NAPEPLD: variants seen among roughly 807,000 people sequenced by gnomAD.
NAPEPLD encodes N-acyl phosphatidylethanolamine phospholipase D.
A neutral mutation model predicts 38.1 loss-of-function variants in NAPEPLD; 23 were observed. The ratio of observed to expected loss-of-function variants is 0.60; its 90% confidence interval spans 0.43 to 0.86. The LOEUF (loss-of-function observed/expected upper bound fraction) is 0.86, where lower values mean the gene tolerates loss of function less well. NAPEPLD is among the 40% of genes least tolerant of loss of function. The pLI is 0.00. For missense variants in NAPEPLD, 411 were observed against 476.8 expected (o/e 0.86, Z 1.28); for synonymous variants, 147 against 162.0 (o/e 0.91, Z 0.71).
intron 2 of NAPEPLD, among the ~76,000 whole-genome samples, chr7:103,126,636 T>A (rs936581986): frequency 7.2e-5 from 11 of 152,084 alleles, no homozygotes; most frequent in African/African-American, 2.7e-4. Context: ...AGACAGGGTC[T>A]TGCTCTGTCA....
At chr7:103,131,871 T>A (rs1809009578) in intron 1 of NAPEPLD, among the ~76,000 whole-genome samples, 1 of 152,042 alleles carries the variant, frequency 6.6e-6, no homozygotes, top group South Asian at 2.1e-4. Context: ...ATCACAGCCA[T>A]TTGGGAGGCC....
chr7:103,109,307 G>A (rs373298168), intron 4 of NAPEPLD, among the ~76,000 whole-genome samples: 10 of 152,168 alleles, frequency 6.6e-5, no homozygotes, highest in Admixed American at 3.9e-4. Context: ...GAAACACATC[G>A]CACTTATTCT....
intron 4 of NAPEPLD, among the ~76,000 whole-genome samples, chr7:103,106,030 C>A (rs1803261776): frequency 1.3e-5 from 2 of 151,694 alleles, no homozygotes; most frequent in South Asian, 4.2e-4. Flanking sequence ...TTCTGCATTT[C>A]CAACTGAGGT....
At chr7:103,144,456 T>C (rs1812141168) in intron 1 of NAPEPLD, among the ~76,000 whole-genome samples, 1 of 152,204 alleles carries the variant, frequency 6.6e-6, no homozygotes, top group Non-Finnish European at 1.5e-5. Flanking sequence ...ATTTTTCTAA[T>C]TTACAGTTAC....
At chr7:103,105,927 C>T (rs1355673282) in intron 4 of NAPEPLD, among the ~76,000 whole-genome samples, 5 of 124,510 alleles carry the variant, frequency 4.0e-5, no homozygotes, top group South Asian at 2.7e-4. Context: ...AATGAGACTC[C>T]GTCTCAAAAA....
intron 3 of NAPEPLD, 74 bp from the exon 4 acceptor site, chr7:103,115,248 C>T: frequency 9.0e-7 from 1 of 1,110,866 alleles, no homozygotes; most frequent in Non-Finnish European, 1.3e-6. Flanking sequence ...TTTCACTTAA[C>T]CAAACTTTAA....
At chr7:103,148,124 T>C (rs966185168) in intron 1 of NAPEPLD, 10 of 982,910 alleles carry the variant, frequency 1.0e-5, no homozygotes, top group Non-Finnish European at 1.1e-5. Context: ...GAAATGGAAA[T>C]GTTAGAGATT....
At chr7:103,141,803 T>C (rs1811443916) in intron 1 of NAPEPLD, 1 of 895,324 alleles carries the variant, frequency 1.1e-6, no homozygotes, top group South Asian at 1.3e-5. Flanking sequence ...CAGCCCATCT[T>C]TGATCAGCTT....
intron 1 of NAPEPLD, among the ~76,000 whole-genome samples, chr7:103,139,890 T>C (rs1338104802): frequency 6.6e-6 from 1 of 152,204 alleles, no homozygotes; most frequent in Non-Finnish European, 1.5e-5. Context: ...AAAAGGTTAA[T>C]AGAATCTTGA....
intron 1 of NAPEPLD, chr7:103,141,958 G>A (rs542315606): frequency 3.2e-5 from 26 of 800,350 alleles, no homozygotes; most frequent in East Asian, 1.2e-4. Flanking sequence ...CCACAGCAGC[G>A]AAAGGAAAGA....
upstream of NAPEPLD, chr7:103,149,646 C>T (rs928846744): frequency 2.2e-5 from 8 of 358,376 alleles, no homozygotes; most frequent in African/African-American, 1.1e-4. Context: ...CGCCTGGGAG[C>T]ACGCGGCCTG....
intron 4 of NAPEPLD, among the ~76,000 whole-genome samples, chr7:103,108,657 T>C (rs1171752954): frequency 6.6e-6 from 1 of 152,090 alleles, no homozygotes; most frequent in African/African-American, 2.4e-5. Flanking sequence ...GCAAAGACCA[T>C]CAACACTATG....
intron 1 of NAPEPLD, among the ~76,000 whole-genome samples, chr7:103,136,242 G>C (rs1346880548): frequency 1.3e-5 from 2 of 151,732 alleles, no homozygotes; most frequent in Non-Finnish European, 2.9e-5. Flanking sequence ...ACTCCAGCCT[G>C]GGTGACAGAG....
upstream of NAPEPLD, chr7:103,149,316 G>C: frequency 5.4e-6 from 6 of 1,116,796 alleles, no homozygotes; most frequent in Non-Finnish European, 6.6e-6. Context: ...CGCCGCCTCA[G>C]TTCCGCGGCT....
chr7:103,118,612 ATGT>A (rs1806010011), intron 3 of NAPEPLD, among the ~76,000 whole-genome samples: 1 of 152,236 alleles, frequency 6.6e-6, no homozygotes, highest in African/African-American at 2.4e-5. Flanking sequence ...CCTAAACAAA[ATGT>A]TGTTGTATGT....
intron 4 of NAPEPLD, among the ~76,000 whole-genome samples, chr7:103,113,215 C>G (rs370772355): frequency 4.6e-5 from 7 of 152,214 alleles, no homozygotes; most frequent in African/African-American, 1.7e-4. Context: ...GAAAACCAGT[C>G]TTAAACTTCT....
Position 103,119,804 on chromosome 7 carries a change from G to C in NAPEPLD, c.714C>G (p.Val238=). ...CAAAAGTGACCTTATCATGTCCGGG[G>C]ACACAATTCTCCTCCCACCAGTCCA... is the stretch of plus-strand genomic sequence containing the variant. ...IELDWWEENC[V]PGHDKVTFVF... The change falls in exon 3 of 5, where the codon GTC becomes GTG. Residue 238 remains valine, a synonymous_variant. Coordinates refer to ENST00000465647, the MANE Select transcript of NAPEPLD (RefSeq NM_001122838.3). 1 of 1,614,016 alleles carries C rather than the reference G, an allele frequency of 6.2e-7. No individual in the cohort carries two copies. Among genetic ancestry groups the C allele is most frequent in the Non-Finnish European group, 8.5e-7 (1 of 1,180,022 alleles).
chr7:103,140,557 T>C lies in NAPEPLD; in HGVS notation c.-17+8254A>G, dbSNP rs1811061421. Among the ~76,000 whole-genome samples, 3 of 152,094 alleles carry C rather than the reference T, an allele frequency of 2.0e-5. No homozygotes were observed. In the South Asian group the frequency reaches 6.2e-4, roughly 32 times the overall value. On this transcript the variant is annotated intron_variant, in intron 1 of 4. Transcript: ENST00000465647. ...ACAGGAGCCCGCCACCACGCCCGGC[T>C]AATTTTTTTGTATTTTTAGTAGAGA...
At chr7:103,119,198 T>A (rs1171682304) in intron 3 of NAPEPLD, among the ~76,000 whole-genome samples, 1 of 152,192 alleles carries the variant, frequency 6.6e-6, no homozygotes, top group African/African-American at 2.4e-5. Flanking sequence ...TATGGTAACA[T>A]CATCCCTGAT....
Sources: gnomAD v4.1 joint callset for allele counts (sites outside exome capture counted in the v4.1 genomes callset) on GRCh38, gnomAD v4.1.1 for gene constraint, MANE v1.5 for transcripts, NCBI Gene and HGNC (gene_info 2026-07-23, HGNC 2026-07-21) for gene names.